Variants in SWAP70 observed in about 807,000 individuals in gnomAD.
SWAP70 encodes switching B cell complex subunit SWAP70.
SWAP70 carries 34 observed loss-of-function variants against 80.2 expected under a neutral mutation model. The ratio of observed to expected loss-of-function variants is 0.42; its 90% CI spans 0.32 to 0.56. The LOEUF (loss-of-function observed/expected upper bound fraction) is 0.56. SWAP70 is among the 20% of genes least tolerant of loss of function. The pLI is 0.09. For missense variants in SWAP70, 578 were observed against 690.7 expected, an observed-to-expected ratio of 0.84 and a Z score of 1.83; for synonymous variants, 239 against 238.5, an observed-to-expected ratio of 1.00 and a Z score of -0.02.
intron 8 of SWAP70, among the ~76,000 whole-genome samples, chr11:9,738,826 A>C (rs561052006): frequency 6.6e-6 from 1 of 151,874 alleles, no homozygotes; most frequent in Non-Finnish European, 1.5e-5. Flanking sequence ...TTGCCACTGC[A>C]CTCCAGCCTG....
At position 9,676,161 on chromosome 11, in the gene SWAP70, G is replaced by A. The variant is rs541679880; in HGVS notation, c.99+11883G>A. Among the ~76,000 whole-genome samples, 10 of 152,268 alleles carry A rather than the reference G, an allele frequency of 6.6e-5. No individual in the cohort carries two copies. The South Asian group carries it at 1.5e-3, about 22-fold the overall frequency. On this transcript the variant is annotated intron_variant, in intron 1 of 11. Coordinates refer to ENST00000318950, the MANE Select transcript of SWAP70 (RefSeq NM_015055.4). ...GAATAGTCCTTTCTTAGAACAAACC[G>A]TATAGTTTAAGACTGTATTATCTGT...
intron 1 of SWAP70, among the ~76,000 whole-genome samples, chr11:9,672,847 C>G (rs1850436898): frequency 6.6e-6 from 1 of 151,908 alleles, no homozygotes; most frequent in Non-Finnish European, 1.5e-5. Context: ...GAAAAATGAT[C>G]CAAGTAAATT....
chr11:9,684,595 C>T (rs540208242), intron 1 of SWAP70, among the ~76,000 whole-genome samples: 2 of 152,128 alleles, frequency 1.3e-5, no homozygotes, highest in African/African-American at 4.8e-5. Context: ...CTGGACTTCT[C>T]TACTAGATCT....
chr11:9,681,501 A>G lies in SWAP70; in HGVS notation c.100-12645A>G, dbSNP rs188185779. On this transcript the variant is annotated intron_variant, in intron 1 of 11. Coordinates refer to ENST00000318950, the MANE Select transcript of SWAP70 (RefSeq NM_015055.4). ...TTTTAGGTAGATATATGGCAGAGAT[A>G]CGGTTTTAAAATTATTCTGATGATG... Among the ~76,000 whole-genome samples the G allele has an allele frequency of 2.8e-3, 424 of 152,358 alleles. 1 individual carries two copies. The highest frequency in any genetic ancestry group is 9.5e-3 in the African/African-American group (397 of 41,590).
chr11:9,747,566 T>G (rs1851527886), intron 9 of SWAP70, among the ~76,000 whole-genome samples: 1 of 152,238 alleles, frequency 6.6e-6, no homozygotes. Flanking sequence ...GAGGATTAAT[T>G]GAGAAAATAC....
intron 2 of SWAP70, among the ~76,000 whole-genome samples, chr11:9,707,674 G>T (rs1850935128): frequency 1.3e-5 from 2 of 150,400 alleles, no homozygotes; most frequent in Admixed American, 1.3e-4. Context: ...TCCTGCCTCA[G>T]CCTCCTTAGT....
intron 1 of SWAP70, among the ~76,000 whole-genome samples, chr11:9,671,509 T>G (rs1384623225): frequency 6.7e-5 from 5 of 74,886 alleles, no homozygotes; most frequent in South Asian, 5.4e-4. Flanking sequence ...TAAATATATA[T>G]AAATATATAT....
Position 9,672,477 on chromosome 11 carries a change from C to T in SWAP70, c.99+8199C>T, listed in dbSNP as rs566531284. Among the ~76,000 whole-genome samples, 95 of 151,206 alleles carry T rather than the reference C, an allele frequency of 6.3e-4. No homozygotes were observed. The Middle Eastern group carries it at 0.028, about 44-fold the overall frequency. On this transcript the variant is annotated intron_variant, in intron 1 of 11. Coordinates refer to ENST00000318950, the MANE Select transcript of SWAP70 (RefSeq NM_015055.4). Reference sequence around the variant, plus strand: ...CCTCCATGCTGAAGTGATCCTCCCACCTCAGCCTCCTGAGTAGCTGGGACT... The same window carrying T: ...CCTCCATGCTGAAGTGATCCTCCCATCTCAGCCTCCTGAGTAGCTGGGACT...
chr11:9,749,226 T>TC, intron 11 of SWAP70, 43 bp downstream of exon 11: 1 of 1,096,376 alleles, frequency 9.1e-7, no homozygotes, highest in Non-Finnish European at 1.2e-6. Flanking sequence ...TTTTTATTTT[T>TC]CATTTTTATT....
chr11:9,732,750 C>A, intron 7 of SWAP70, 40 bp downstream of exon 7: 2 of 1,505,906 alleles, frequency 1.3e-6, no homozygotes, highest in Non-Finnish European at 8.9e-7. Context: ...CCCTTCATTC[C>A]CCTGCAGAAG....
chr11:9,711,494 C>G (rs1047323322), intron 2 of SWAP70, among the ~76,000 whole-genome samples: 4 of 152,134 alleles, frequency 2.6e-5, no homozygotes, highest in African/African-American at 9.7e-5. Context: ...GGACCTGTCT[C>G]ACACCTCAAA....
chr11:9,727,248 C>T (rs1306845209), intron 4 of SWAP70, among the ~76,000 whole-genome samples: 1 of 152,184 alleles, frequency 6.6e-6, no homozygotes, highest in East Asian at 1.9e-4. Context: ...ATTAGCCAGG[C>T]ATGGTGGCAT....
At position 9,730,735 on chromosome 11, in the gene SWAP70, T is replaced by C. The variant is rs540955382; in HGVS notation, c.898+1284T>C. ...TCCACAAGAAATCACTAGTTTTGGG[T>C]AACTCAGGAACACAAACTTTTGAAT... is the stretch of plus-strand genomic sequence containing the variant. On this transcript the variant is annotated intron_variant, in intron 6 of 11. Transcript: ENST00000318950. Among the ~76,000 whole-genome samples, 4 of 152,332 alleles carry C rather than the reference T, an allele frequency of 2.6e-5. No homozygotes were observed. The South Asian group carries it at 6.2e-4, about 24-fold the overall frequency.
chr11:9,729,501 TTTC>T lies in SWAP70; in HGVS notation c.898+53_898+55del, dbSNP rs752017997. ...CATGATATAACTTGAAAGCTCTGAC[TTTC>T]TTTTTTTTTTCTGAGACGGAGTCTT... On this transcript the variant is annotated intron_variant, in intron 6 of 11. Coordinates refer to ENST00000318950, the MANE Select transcript of SWAP70 (RefSeq NM_015055.4). 47 of 1,388,818 alleles carry T rather than the reference TTTC, an allele frequency of 3.4e-5. No individual in the cohort carries two copies. The East Asian group carries it at 1.1e-3, about 32-fold the overall frequency. The allele number at this position is 1,388,818 out of a possible 1,614,324, so 86.0% of individuals were successfully genotyped here.
chr11:9,686,008 C>A (rs1850627348), intron 1 of SWAP70, among the ~76,000 whole-genome samples: 1 of 152,082 alleles, frequency 6.6e-6, no homozygotes, highest in South Asian at 2.1e-4. Context: ...ACATTCAGAC[C>A]ATAGCAAGCC....
intron 1 of SWAP70, among the ~76,000 whole-genome samples, chr11:9,671,004 C>T (rs746130274): frequency 1.3e-5 from 2 of 149,604 alleles, no homozygotes; most frequent in East Asian, 1.9e-4. Context: ...CCACCCACCT[C>T]GGCCTCCCAA....
intron 4 of SWAP70, 144 bp from the exon 5 acceptor site, chr11:9,727,909 A>G: frequency 1.2e-6 from 1 of 847,586 alleles, no homozygotes; most frequent in South Asian, 2.1e-5. Context: ...CCCTCCATAG[A>G]TTCTCAGAGG....
intron 2 of SWAP70, among the ~76,000 whole-genome samples, chr11:9,695,727 A>T (rs1850748327): frequency 6.6e-6 from 1 of 152,090 alleles, no homozygotes; most frequent in Non-Finnish European, 1.5e-5. Flanking sequence ...CTGCACAGGT[A>T]TCCGTTTTTT....
At chr11:9,671,783 TTATTATTTATAAA>T (rs1850410370) in intron 1 of SWAP70, among the ~76,000 whole-genome samples, 1 of 10,768 alleles carries the variant, frequency 9.3e-5, no homozygotes, top group South Asian at 6.0e-3. Flanking sequence ...ATATAATATA[TTATTATTTATAAA>T]TATATATAAA....
Sources: allele counts gnomAD v4.1 joint callset (sites outside exome capture counted in the v4.1 genomes callset), GRCh38; gene constraint gnomAD v4.1.1; transcripts MANE v1.5; gene names NCBI Gene and HGNC (gene_info 2026-07-23, HGNC 2026-07-21).